Variants in PPM1G observed in about 807,000 individuals in gnomAD.
PPM1G encodes protein phosphatase, Mg2+/Mn2+ dependent 1G, also known as protein phosphatase 1G.
In PPM1G, 12 loss-of-function variants were observed where a neutral mutation model predicts 59.4. The observed-to-expected ratio is 0.20, with a 90% CI of 0.13 to 0.33. The LOEUF (loss-of-function observed/expected upper bound fraction) is 0.33. PPM1G is among the 10% of genes least tolerant of loss of function. PPM1G has a pLI of 1.00. For missense variants in PPM1G, 392 were observed against 681.3 expected (o/e 0.58, Z 4.73); for synonymous variants, 245 against 251.9 (o/e 0.97, Z 0.26).
rs1683616521 is a variant in PPM1G, at chr2:27,381,265, G to C, written c.*334C>G. 2.5e-6 allele frequency: 1 copy of C among 392,498 alleles called. No homozygotes were observed. Among genetic ancestry groups the C allele is most frequent in the Non-Finnish European group, 4.7e-6 (1 of 210,982 alleles). 24.3% of individuals were successfully genotyped at this position (392,498 alleles called of 1,614,324 possible). ...TGTACAACAGAGAGCGGGTGCAAGC[G>C]GCCGAGGGCCATGGAGCCGCCAATA... On this transcript the variant is annotated 3_prime_UTR_variant, in exon 10 of 10. Coordinates refer to ENST00000344034, the MANE Select transcript of PPM1G (RefSeq NM_177983.3).
chr2:27,399,170 C>CAACAACAAA (rs1450633641), intron 1 of PPM1G, among the ~76,000 whole-genome samples: 1 of 151,666 alleles, frequency 6.6e-6, no homozygotes, highest in Admixed American at 6.6e-5. Context: ...ACAACAACAA[C>CAACAACAAA]AAAAACAAAA....
At chr2:27,403,355 C>A (rs535099880) in intron 1 of PPM1G, among the ~76,000 whole-genome samples, 1 of 151,592 alleles carries the variant, frequency 6.6e-6, no homozygotes, top group African/African-American at 2.4e-5. Context: ...CTGGGGTAGG[C>A]AAATTGCTAG....
intron 1 of PPM1G, chr2:27,393,397 G>A (rs1683967236): frequency 5.8e-6 from 8 of 1,381,404 alleles, no homozygotes; most frequent in Non-Finnish European, 8.1e-6. Context: ...CGGCGGCAGC[G>A]GCAGTGGTGG....
intron 1 of PPM1G, among the ~76,000 whole-genome samples, chr2:27,392,522 C>T (rs11897554): frequency 0.38 from 56,329 of 149,716 alleles, 10,933 homozygotes; most frequent in Admixed American, 0.44. Flanking sequence ...CTCAAACTCC[C>T]GACCTCAGGT....
intron 2 of PPM1G, 139 bp from the exon 3 acceptor site, chr2:27,386,418 G>A: frequency 1.8e-6 from 1 of 570,570 alleles, no homozygotes; most frequent in Non-Finnish European, 3.1e-6. Context: ...CCTATTTGAA[G>A]GACACTGTTT....
chr2:27,396,061 AG>A (rs919037176), intron 1 of PPM1G, among the ~76,000 whole-genome samples: 1 of 152,102 alleles, frequency 6.6e-6, no homozygotes, highest in South Asian at 2.1e-4. Flanking sequence ...ATTTGAGGTC[AG>A]GAGTTCGAGA....
intron 2 of PPM1G, chr2:27,386,533 T>TA (rs1305525661): frequency 3.5e-6 from 1 of 284,216 alleles, no homozygotes; most frequent in African/African-American, 2.2e-5. Flanking sequence ...GAAAAAAAGA[T>TA]AAAGAATCAG....
At position 27,384,194 on chromosome 2, in the gene PPM1G, A is replaced by G. The variant is rs1471359150; in HGVS notation, c.826-102T>C. The G allele has an allele frequency of 6.5e-7, 1 of 1,540,810 alleles. No homozygotes were observed. Among genetic ancestry groups the G allele is most frequent in the African/African-American group, 1.4e-5 (1 of 73,018 alleles). Reference sequence around the variant, plus strand: ...AGGTCCTGACTGAACACAGGTCCTCAAAACACTGAAAGATACAAGTATATG... The same window carrying G: ...AGGTCCTGACTGAACACAGGTCCTCGAAACACTGAAAGATACAAGTATATG... On this transcript the variant is annotated intron_variant, in intron 5 of 9. Coordinates refer to ENST00000344034, the MANE Select transcript of PPM1G (RefSeq NM_177983.3). This position sits in a 1 kb window ranked among gnomAD's most constrained non-coding sequence, Gnocchi z 4.8.
intron 1 of PPM1G, among the ~76,000 whole-genome samples, chr2:27,395,869 A>G (rs1684040190): frequency 6.6e-6 from 1 of 152,030 alleles, no homozygotes; most frequent in African/African-American, 2.4e-5. Context: ...AAAGGAAAAA[A>G]GAAACCATTA....
rs754135745 is a variant in PPM1G at position 27,384,970 on chromosome 2, C to G, written c.528G>C (p.Gly176=). Residue 176 remains glycine (G), a synonymous_variant, in exon 5 of 10, where the codon GGG becomes GGC. Coordinates refer to ENST00000344034, the MANE Select transcript of PPM1G (RefSeq NM_177983.3). This position sits in a 1 kb window ranked among gnomAD's most constrained non-coding sequence, Gnocchi z 4.8. The stretch of plus-strand genomic sequence containing the variant: ...CCTGGGACCCTGGTTCCTCGCCTGT[C>G]CCACCTCCAGATTTGCTGTGGGGAG... ...KGPPHSKSGG[G]TGEEPGSQGL... The G allele has an allele frequency of 1.9e-6, 3 of 1,614,220 alleles. No homozygotes were observed. The Admixed American group carries it at 5.0e-5, about 27-fold the overall frequency.
Position 27,384,122 on chromosome 2 carries a change from GA to G in PPM1G, c.826-31del, listed in dbSNP as rs752398966. 1 of 1,613,698 alleles carries G rather than the reference GA, an allele frequency of 6.2e-7. No individual in the cohort carries two copies. Among genetic ancestry groups the G allele is most frequent in the African/African-American group, 1.3e-5 (1 of 75,024 alleles). Reference sequence around the variant, plus strand: ...CAGGGGGAGGATCCCAGACTGCTGAGACTGGGATGATCCCCTCCCTCCCCAC... The same window carrying G: ...CAGGGGGAGGATCCCAGACTGCTGAGCTGGGATGATCCCCTCCCTCCCCAC... On this transcript the variant is annotated intron_variant, in intron 5 of 9. Coordinates refer to ENST00000344034, the MANE Select transcript of PPM1G (RefSeq NM_177983.3). The surrounding 1 kb of genome is among the most constrained non-coding windows in gnomAD (Gnocchi z 4.8).
In PPM1G at chr2:27,387,170, A is replaced by C; in HGVS notation, c.121-12T>G. 6.2e-7 allele frequency: 1 copy of C among 1,606,276 alleles called. No individual in the cohort carries two copies. Among genetic ancestry groups the C allele is most frequent in the Non-Finnish European group, 8.5e-7 (1 of 1,172,856 alleles). On this transcript the variant is annotated splice_polypyrimidine_tract_variant and intron_variant, in intron 1 of 9. Coordinates refer to ENST00000344034, the MANE Select transcript of PPM1G (RefSeq NM_177983.3). ...CAGTTGTGAGCATCCTAGGAAAAGA[A>C]GAGCATAATCGGCATGTCTCAAGGT...
At chr2:27,392,697 G>A in intron 1 of PPM1G, 1 of 795,808 alleles carries the variant, frequency 1.3e-6, no homozygotes, top group Non-Finnish European at 2.2e-6. Context: ...ACAACTTATA[G>A]AAAAGGTAAA....
At position 27,409,276 on chromosome 2, in the gene PPM1G, C is replaced by T. The variant is rs2148430498; in HGVS notation, c.120+27G>A. 4 of 1,549,154 alleles carry T rather than the reference C, an allele frequency of 2.6e-6. No individual in the cohort carries two copies. The East Asian group carries it at 1.0e-4, about 39-fold the overall frequency. ...CCGTCAGATTCCCGCCCCGCAGCGG[C>T]CAGCCTATGGGCCCCTGCCTCCTCA... On this transcript the variant is annotated intron_variant, in intron 1 of 9. Coordinates refer to ENST00000344034, the MANE Select transcript of PPM1G (RefSeq NM_177983.3).
rs543592351 is a variant in PPM1G, at chr2:27,409,492, G to T, written c.-70C>A. ...GACCCGTGCCGGAGCCGAAGCCCCG[G>T]GGGTGCGCGCGGCAGGAGCAGGCCC... On this transcript the variant is annotated 5_prime_UTR_variant, in exon 1 of 10. Transcript: ENST00000344034. 9 of 1,381,464 alleles carry T rather than the reference G, an allele frequency of 6.5e-6. No homozygotes were observed. The East Asian group carries it at 2.5e-4, about 38-fold the overall frequency. The allele number at this position is 1,381,464 out of a possible 1,614,324, so 85.6% of individuals were successfully genotyped here. A position where few individuals can be genotyped will look rare whatever the true frequency, so the allele number is the denominator to read the frequency against.
rs557082167 is a variant in PPM1G, at chr2:27,403,430, G to A, written c.120+5873C>T. Among the ~76,000 whole-genome samples, 21 of 152,122 alleles carry A rather than the reference G, an allele frequency of 1.4e-4. No individual in the cohort carries two copies. In the South Asian group the frequency reaches 4.1e-3, roughly 30 times the overall value. ...CATTGCACTCCAGCCTGGGCAACAAGAGCAAAACTCCAACTTAAAAAAATA... is the reference window on the plus strand; with the variant it reads ...CATTGCACTCCAGCCTGGGCAACAAAAGCAAAACTCCAACTTAAAAAAATA... On this transcript the variant is annotated intron_variant, in intron 1 of 9. Transcript: ENST00000344034.
At chr2:27,398,251 T>C (rs548794542) in intron 1 of PPM1G, among the ~76,000 whole-genome samples, 2 of 152,026 alleles carry the variant, frequency 1.3e-5, no homozygotes, top group Non-Finnish European at 1.5e-5. Context: ...GATAATTCAA[T>C]GGGGGAAAAG....
At chr2:27,405,643 C>A (rs917265501) in intron 1 of PPM1G, among the ~76,000 whole-genome samples, 2 of 151,942 alleles carry the variant, frequency 1.3e-5, no homozygotes, top group African/African-American at 2.4e-5. Flanking sequence ...ATCTGCCCCC[C>A]TCGGCCTCCC....
At chr2:27,388,286 G>A (rs140639133) in intron 1 of PPM1G, among the ~76,000 whole-genome samples, 2,351 of 151,568 alleles carry the variant, frequency 0.016, 66 homozygotes, top group African/African-American at 0.054. Flanking sequence ...GTGTGCGCCC[G>A]TAGTCCCAGC....
Sources: gnomAD v4.1 joint callset for allele counts (sites outside exome capture counted in the v4.1 genomes callset) on GRCh38, gnomAD v4.1.1 for gene constraint, Gnocchi (gnomAD v3.1) non-coding constraint, MANE v1.5 for transcripts, NCBI Gene and HGNC (gene_info 2026-07-23, HGNC 2026-07-21) for gene names.